Variants in HDAC4 observed in about 807,000 individuals in gnomAD.
HDAC4 encodes the protein histone deacetylase A.
Under a neutral mutation model 135.1 loss-of-function variants are expected in HDAC4, and 16 were observed. That is an observed-to-expected ratio of 0.12 (90% CI 0.08 to 0.18). HDAC4 has a LOEUF of 0.18. HDAC4 is among the 10% of genes least tolerant of loss of function. The pLI, the probability that HDAC4 is intolerant of heterozygous loss-of-function variation, is 1.00. For synonymous variants in HDAC4, 685 were observed against 653.4 expected, an observed-to-expected ratio of 1.05 and a Z score of -0.74; for missense variants, 1,143 against 1,511.8, an observed-to-expected ratio of 0.76 and a Z score of 4.05.
chr2:239,306,714 C>A lies in HDAC4; in HGVS notation c.22+45964G>T, dbSNP rs1324431175. Among the ~76,000 whole-genome samples the A allele has an allele frequency of 6.6e-6, 1 of 151,912 alleles. No individual in the cohort carries two copies. The highest frequency in any genetic ancestry group is 2.4e-5 in the African/African-American group (1 of 41,346). On this transcript the variant is annotated intron_variant, in intron 2 of 26. Coordinates refer to ENST00000543185, the MANE Select transcript of HDAC4 (RefSeq NM_001378414.1). This position sits in a 1 kb window ranked among gnomAD's most constrained non-coding sequence, Gnocchi z 4.5. ...GGCGCAGAGCATCCAGGGCCCAGGG[C>A]CCACAGGGTTTTACATGGTGAAAAG...
chr2:239,164,585 C>T (rs1022069013), intron 5 of HDAC4, among the ~76,000 whole-genome samples: 3 of 152,266 alleles, frequency 2.0e-5, no homozygotes, highest in Non-Finnish European at 4.4e-5. Flanking sequence ...AACACAAGGC[C>T]TGTTAGCACG....
Position 239,331,167 on chromosome 2 carries a change from C to T in HDAC4, c.22+21511G>A, listed in dbSNP as rs13407112. 0.099 allele frequency among the ~76,000 whole-genome samples: 15,094 copies of T among 152,236 alleles called. 1,345 individuals carry two copies. Among genetic ancestry groups the T allele is most frequent in the East Asian group, 0.42 (2,153 of 5,162 alleles). ...GCTGATGGGCCATCGGAGCAAAGCG[C>T]GGCCAGCACTGTCGTGACATTGATG... is the stretch of plus-strand genomic sequence containing the variant. On this transcript the variant is annotated intron_variant, in intron 2 of 26. Transcript: ENST00000543185. The surrounding 1 kb of genome is among the most constrained non-coding windows in gnomAD (Gnocchi z 4.5).
chr2:239,281,824 T>C (rs933351988), intron 2 of HDAC4, among the ~76,000 whole-genome samples: 2 of 141,496 alleles, frequency 1.4e-5, no homozygotes, highest in African/African-American at 5.3e-5. Context: ...CCACTCTCAA[T>C]GTACACACCA....
chr2:239,175,972 C>T (rs573332820), intron 5 of HDAC4, among the ~76,000 whole-genome samples: 2 of 152,290 alleles, frequency 1.3e-5, no homozygotes, highest in South Asian at 4.1e-4. Flanking sequence ...GACACACTGT[C>T]ACACTCACTG....
intron 2 of HDAC4, among the ~76,000 whole-genome samples, chr2:239,239,815 C>T (rs1005973953): frequency 2.0e-5 from 3 of 152,224 alleles, no homozygotes; most frequent in African/African-American, 7.2e-5. Context: ...ATAGGAAGTG[C>T]CTGCCTCTCG....
intron 2 of HDAC4, among the ~76,000 whole-genome samples, chr2:239,321,464 CAAAAAAAAAAAAAAA>C (rs10530231): frequency 2.8e-4 from 16 of 56,306 alleles, no homozygotes; most frequent in African/African-American, 8.7e-4. Context: ...GACTCCGTCT[CAAAAAAAAAAAAAAA>C]AAAAAAAAAA....
intron 2 of HDAC4, among the ~76,000 whole-genome samples, chr2:239,248,840 G>C (rs1039572660): frequency 6.6e-6 from 1 of 152,140 alleles, no homozygotes; most frequent in Non-Finnish European, 1.5e-5. Context: ...TCTCCACACG[G>C]ACTCATTCAA....
intron 1 of HDAC4, among the ~76,000 whole-genome samples, chr2:239,362,081 G>A (rs1038480738): frequency 6.6e-6 from 1 of 152,208 alleles, no homozygotes; most frequent in African/African-American, 2.4e-5. Context: ...CTTTTAGGAT[G>A]TATTTTCCCC....
At chr2:239,211,286 C>T (rs902861571) in intron 3 of HDAC4, among the ~76,000 whole-genome samples, 2 of 152,126 alleles carry the variant, frequency 1.3e-5, no homozygotes, top group Non-Finnish European at 2.9e-5. Context: ...CCTCACAATA[C>T]AAAATCACTA....
At chr2:239,233,694 G>A (rs1316843657) in intron 3 of HDAC4, among the ~76,000 whole-genome samples, 1 of 152,174 alleles carries the variant, frequency 6.6e-6, no homozygotes, top group Admixed American at 6.5e-5. Context: ...GACCTGTGTT[G>A]AACATAACGG....
chr2:239,235,488 A>T (rs1032606748), intron 3 of HDAC4, among the ~76,000 whole-genome samples: 1 of 152,262 alleles, frequency 6.6e-6, no homozygotes, highest in Non-Finnish European at 1.5e-5. Context: ...CCAGAGACCC[A>T]GGCCTCGGGA....
At chr2:239,392,029 C>T (rs868032846) in intron 1 of HDAC4, among the ~76,000 whole-genome samples, 1 of 152,228 alleles carries the variant, frequency 6.6e-6, no homozygotes, top group East Asian at 1.9e-4. Context: ...GTCAACATCC[C>T]CACCAGCTTG....
chr2:239,329,127 C>T (rs1691378512), intron 2 of HDAC4, among the ~76,000 whole-genome samples: 2 of 152,150 alleles, frequency 1.3e-5, no homozygotes, highest in African/African-American at 4.8e-5. Flanking sequence ...GAAGGTCCTG[C>T]AATGCCAACC....
At chr2:239,263,677 C>T (rs1474510111) in intron 2 of HDAC4, among the ~76,000 whole-genome samples, 3 of 152,210 alleles carry the variant, frequency 2.0e-5, no homozygotes, top group Admixed American at 6.5e-5. Flanking sequence ...AGGGTCAGGA[C>T]AGTCAGGAAA....
Position 239,331,165 on chromosome 2 carries a change from C to T in HDAC4, c.22+21513G>A, listed in dbSNP as rs558196329. Among the ~76,000 whole-genome samples, 3 of 152,306 alleles carry T rather than the reference C, an allele frequency of 2.0e-5. No individual in the cohort carries two copies. The highest frequency in any genetic ancestry group is 4.4e-5 in the Non-Finnish European group (3 of 68,032). ...GGGCTGATGGGCCATCGGAGCAAAG[C>T]GCGGCCAGCACTGTCGTGACATTGA... is the stretch of plus-strand genomic sequence containing the variant. On this transcript the variant is annotated intron_variant, in intron 2 of 26. Coordinates refer to ENST00000543185, the MANE Select transcript of HDAC4 (RefSeq NM_001378414.1). The surrounding 1 kb of genome is among the most constrained non-coding windows in gnomAD (Gnocchi z 4.5).
At chr2:239,116,914 ATG>A (rs2039186295) in intron 12 of HDAC4, among the ~76,000 whole-genome samples, 1 of 152,082 alleles carries the variant, frequency 6.6e-6, no homozygotes. Flanking sequence ...TGATAGGGCA[ATG>A]TGCCCTCCTC....
rs562812263 is a variant in HDAC4, at chr2:239,240,927, G to A, written c.23-4263C>T. ...TTTCAGAATCCACCTTGCATCAGACGGGTAGGTATGTCTAACCAGAAACCC... is the reference window on the plus strand; with the variant it reads ...TTTCAGAATCCACCTTGCATCAGACAGGTAGGTATGTCTAACCAGAAACCC... On this transcript the variant is annotated intron_variant, in intron 2 of 26. Transcript: ENST00000543185. This position sits in a 1 kb window ranked among gnomAD's most constrained non-coding sequence, Gnocchi z 4.5. 2.6e-5 allele frequency among the ~76,000 whole-genome samples: 4 copies of A among 151,760 alleles called. No individual in the cohort carries two copies. Among genetic ancestry groups the A allele is most frequent in the South Asian group, 2.1e-4 (1 of 4,818 alleles).
At chr2:239,072,817 A>G (rs950473907) in intron 22 of HDAC4, among the ~76,000 whole-genome samples, 1 of 152,262 alleles carries the variant, frequency 6.6e-6, no homozygotes, top group Non-Finnish European at 1.5e-5. Flanking sequence ...GGATGACCGC[A>G]GATCAGAATC....
chr2:239,096,746 A>T (rs2037134792), intron 16 of HDAC4, among the ~76,000 whole-genome samples: 1 of 133,874 alleles, frequency 7.5e-6, no homozygotes. Context: ...ATCCACACGG[A>T]CACCAGCACC....
Sources: gnomAD v4.1 joint callset for allele counts (sites outside exome capture counted in the v4.1 genomes callset) on GRCh38, gnomAD v4.1.1 for gene constraint, Gnocchi (gnomAD v3.1) non-coding constraint, MANE v1.5 for transcripts, NCBI Gene and HGNC (gene_info 2026-07-23, HGNC 2026-07-21) for gene names.